The following PRKAR1B variants were observed in gnomAD, a reference collection of about 807,000 sequenced individuals.
PRKAR1B encodes the protein protein kinase cAMP-dependent type I regulatory subunit beta.
PRKAR1B carries 22 observed loss-of-function variants against 46.5 expected under a neutral mutation model. The observed-to-expected ratio is 0.47, with a 90% CI of 0.34 to 0.68. PRKAR1B has a LOEUF of 0.68. Among genes scored for constraint, PRKAR1B ranks in the 30% least tolerant of loss-of-function variants. The pLI, the probability that PRKAR1B is intolerant of heterozygous loss-of-function variation, is 0.01. For synonymous variants in PRKAR1B, 259 were observed against 217.7 expected (o/e 1.19, Z -1.67); for missense variants, 445 against 535.6 (o/e 0.83, Z 1.67).
At chr7:629,241 G>GC (rs1325351144) in intron 4 of PRKAR1B, among the ~76,000 whole-genome samples, 5 of 152,264 alleles carry the variant, frequency 3.3e-5, no homozygotes, top group African/African-American at 7.2e-5. Flanking sequence ...GGCTCCAAGC[G>GC]CGAGGGCTGG....
chr7:610,975 G>A lies in PRKAR1B; in HGVS notation c.441-3523C>T, dbSNP rs187163112. ...CAGCTCTCAGGCCTGGTAAGAGAAA[G>A]AAAAACACGAAGACATTCCAGCCGG... On this transcript the variant is annotated intron_variant, in intron 4 of 10. Coordinates refer to ENST00000537384, the MANE Select transcript of PRKAR1B (RefSeq NM_001164760.2). Among the ~76,000 whole-genome samples, 950 of 152,272 alleles carry A rather than the reference G, an allele frequency of 6.2e-3. 11 individuals are homozygous for A. Among genetic ancestry groups the A allele is most frequent in the African/African-American group, 0.021 (893 of 41,552 alleles).
At chr7:562,869 T>C (rs989869613) in intron 9 of PRKAR1B, among the ~76,000 whole-genome samples, 1 of 152,172 alleles carries the variant, frequency 6.6e-6, no homozygotes, top group African/African-American at 2.4e-5. Context: ...CCAGCTGAGA[T>C]GCCCAGACAC....
intron 4 of PRKAR1B, among the ~76,000 whole-genome samples, chr7:618,325 T>C (rs987081218): frequency 6.6e-6 from 1 of 152,126 alleles, no homozygotes; most frequent in African/African-American, 2.4e-5. Context: ...CAGATGTAAA[T>C]ATGGAGCACT....
At chr7:552,970 A>G (rs527906412) in intron 9 of PRKAR1B, among the ~76,000 whole-genome samples, 2 of 152,376 alleles carry the variant, frequency 1.3e-5, no homozygotes, top group South Asian at 4.1e-4. Flanking sequence ...CGTGGGCAGC[A>G]TATCACAGGG....
At chr7:570,408 G>A (rs1779431811) in intron 9 of PRKAR1B, among the ~76,000 whole-genome samples, 1 of 152,168 alleles carries the variant, frequency 6.6e-6, no homozygotes, top group Non-Finnish European at 1.5e-5. Flanking sequence ...CCCAGGGTTT[G>A]CAGCTCCGCT....
At chr7:601,514 C>T (rs1781593180) in intron 6 of PRKAR1B, among the ~76,000 whole-genome samples, 1 of 152,268 alleles carries the variant, frequency 6.6e-6, no homozygotes, top group African/African-American at 2.4e-5. Context: ...CTTTGATTCC[C>T]TTAAATGTGG....
chr7:580,849 T>C (rs576807691), intron 8 of PRKAR1B, among the ~76,000 whole-genome samples: 1 of 151,966 alleles, frequency 6.6e-6, no homozygotes, highest in African/African-American at 2.4e-5. Context: ...ATTTTACATC[T>C]AGGTTAGGAG....
chr7:550,606 G>C lies in PRKAR1B; in HGVS notation c.974-4C>G. ...TTCAGCAGCAGTGCAATCTCCCCTG[G>C]GGGTTGAAGAGAGAGGTCAGGGCTG... On this transcript the variant is annotated splice_region_variant and splice_polypyrimidine_tract_variant and intron_variant, in intron 10 of 10. Transcript: ENST00000537384. The C allele has an allele frequency of 6.4e-7, 1 of 1,554,564 alleles. No individual in the cohort carries two copies. Among genetic ancestry groups the C allele is most frequent in the Non-Finnish European group, 8.7e-7 (1 of 1,154,560 alleles).
chr7:585,421 GAC>G (rs1301721935), intron 7 of PRKAR1B, among the ~76,000 whole-genome samples: 3 of 152,172 alleles, frequency 2.0e-5, no homozygotes, highest in Non-Finnish European at 4.4e-5. Flanking sequence ...CAAAAACAGA[GAC>G]ACAGAGTCCA....
intron 4 of PRKAR1B, among the ~76,000 whole-genome samples, chr7:627,250 A>C (rs1783455232): frequency 6.6e-6 from 1 of 152,166 alleles, no homozygotes; most frequent in Non-Finnish European, 1.5e-5. Flanking sequence ...TCAGCCTCTC[A>C]AAGTGCTGGG....
At chr7:572,295 C>G (rs1346743328) in intron 9 of PRKAR1B, among the ~76,000 whole-genome samples, 2 of 152,220 alleles carry the variant, frequency 1.3e-5, no homozygotes, top group Non-Finnish European at 2.9e-5. Flanking sequence ...TATTTTCCAA[C>G]AGCTGTGGGG....
rs1471294694 is a variant in PRKAR1B, at chr7:673,064, A to C, written c.440+4165T>G. Reference sequence around the variant, plus strand: ...TGTCTTTAAAAAAAAAAAAAAAAAAAAAAAAAAAAAAAAACACACACACAC... The same window carrying C: ...TGTCTTTAAAAAAAAAAAAAAAAAACAAAAAAAAAAAAAACACACACACAC... On this transcript the variant is annotated intron_variant, in intron 4 of 10. Transcript: ENST00000537384. 6.0e-4 allele frequency among the ~76,000 whole-genome samples: 84 copies of C among 139,280 alleles called. 2 individuals are homozygous for C. The highest frequency in any genetic ancestry group is 2.2e-3 in the African/African-American group (81 of 36,914). 91.4% of individuals were successfully genotyped at this position (139,280 alleles called of 152,430 possible).
chr7:642,158 A>T (rs1351374435), intron 4 of PRKAR1B, among the ~76,000 whole-genome samples: 1 of 152,078 alleles, frequency 6.6e-6, no homozygotes, highest in Non-Finnish European at 1.5e-5. Flanking sequence ...AGCCTCCCAA[A>T]ATGTTAGGAT....
intron 4 of PRKAR1B, among the ~76,000 whole-genome samples, chr7:650,585 G>A (rs1359543757): frequency 4.6e-5 from 7 of 152,180 alleles, no homozygotes; most frequent in Admixed American, 3.9e-4. Context: ...CACACGTCCC[G>A]CCATTGCCAC....
At chr7:581,428 T>G (rs1040670344) in intron 8 of PRKAR1B, among the ~76,000 whole-genome samples, 2 of 152,154 alleles carry the variant, frequency 1.3e-5, no homozygotes, top group African/African-American at 4.8e-5. Context: ...TGCAGGTGAT[T>G]TTTTAGAGCA....
chr7:710,778 G>C (rs1190927425), intron 2 of PRKAR1B, among the ~76,000 whole-genome samples: 1 of 151,534 alleles, frequency 6.6e-6, no homozygotes, highest in Non-Finnish European at 1.5e-5. Flanking sequence ...CCCAGTAGCT[G>C]GGATTACAGG....
intron 2 of PRKAR1B, among the ~76,000 whole-genome samples, chr7:700,739 T>C (rs548870242): frequency 6.6e-6 from 1 of 151,842 alleles, no homozygotes; most frequent in Non-Finnish European, 1.5e-5. Context: ...AACTACCAAA[T>C]AAATTTAGAA....
intron 4 of PRKAR1B, among the ~76,000 whole-genome samples, chr7:650,609 G>T (rs1459358540): frequency 6.6e-6 from 1 of 152,206 alleles, no homozygotes; most frequent in Non-Finnish European, 1.5e-5. Flanking sequence ...AACAGCGTGG[G>T]GCACCTGTGG....
chr7:713,543 C>G (rs1475234387), intron 1 of PRKAR1B, among the ~76,000 whole-genome samples: 1 of 152,014 alleles, frequency 6.6e-6, no homozygotes, highest in African/African-American at 2.4e-5. Context: ...CCACTCAGCC[C>G]TCCCATGCTC....
Sources: allele counts gnomAD v4.1 joint callset (sites outside exome capture counted in the v4.1 genomes callset), GRCh38; gene constraint gnomAD v4.1.1; transcripts MANE v1.5; gene names NCBI Gene and HGNC (gene_info 2026-07-23, HGNC 2026-07-21).